STXBP5L: variants seen among roughly 807,000 people sequenced by gnomAD.
STXBP5L encodes syntaxin-binding protein 5-like.
In STXBP5L, 65 loss-of-function variants were observed where a neutral mutation model predicts 144.5. That is an observed-to-expected ratio of 0.45 (90% CI 0.37 to 0.55). The LOEUF (loss-of-function observed/expected upper bound fraction) is 0.55. STXBP5L is among the 20% of genes least tolerant of loss of function. The pLI is 0.00. For synonymous variants in STXBP5L, 505 were observed against 469.6 expected (o/e 1.08, Z -0.97); for missense variants, 1,298 against 1,405.5 (o/e 0.92, Z 1.22).
intron 3 of STXBP5L, among the ~76,000 whole-genome samples, chr3:120,999,770 T>C (rs1192942755): frequency 6.6e-6 from 1 of 152,214 alleles, no homozygotes; most frequent in Non-Finnish European, 1.5e-5. Context: ...CAGGTCTTGA[T>C]GGTAACAAAT....
rs762104853 is a variant in STXBP5L at position 121,259,056 on chromosome 3, C to A, written c.1846C>A (p.Pro616Thr). 2.5e-6 allele frequency: 4 copies of A among 1,600,182 alleles called. No homozygotes were observed. The highest frequency in any genetic ancestry group is 3.4e-6 in the Non-Finnish European group (4 of 1,172,134). The change falls in exon 18 of 27, where the codon CCA becomes ACA. Residue 616 changes from proline to threonine, a missense_variant. By Grantham distance (38) the Pro-to-Thr change is conservative. Coordinates refer to ENST00000471454, the MANE Select transcript of STXBP5L (RefSeq NM_001308330.2). ...SIPCLNVKTR[P>T]VRMPPGYQAE... is the part of the protein sequence containing the mutation. The stretch of plus-strand genomic sequence containing the variant: ...TTGTTCTTAAAGTGTGAAGACACGG[C>A]CAGTGCGAATGCCTCCAGGATATCA...
intron 6 of STXBP5L, among the ~76,000 whole-genome samples, chr3:121,120,120 T>C (rs2044392783): frequency 6.6e-6 from 1 of 151,340 alleles, no homozygotes. Context: ...ATATTTAACT[T>C]TAATTCAGGG....
intron 5 of STXBP5L, among the ~76,000 whole-genome samples, chr3:121,087,531 T>C (rs1468389962): frequency 6.6e-6 from 1 of 152,234 alleles, no homozygotes; most frequent in East Asian, 1.9e-4. Flanking sequence ...TATATCTTTG[T>C]CTATTCTTAT....
intron 4 of STXBP5L, among the ~76,000 whole-genome samples, chr3:121,042,005 A>G (rs1225203316): frequency 6.6e-6 from 1 of 152,152 alleles, no homozygotes; most frequent in African/African-American, 2.4e-5. Flanking sequence ...TTGTTACTAT[A>G]TAGCATAATT....
chr3:120,929,615 G>A (rs1019878987), intron 2 of STXBP5L, among the ~76,000 whole-genome samples: 1 of 151,882 alleles, frequency 6.6e-6, no homozygotes, highest in Non-Finnish European at 1.5e-5. Flanking sequence ...TAAACCTTCA[G>A]CATATTTAAT....
At position 121,381,548 on chromosome 3, in the gene STXBP5L, C is replaced by T. The variant is rs199793824; in HGVS notation, c.2587+16C>T. On this transcript the variant is annotated intron_variant, in intron 22 of 26. Coordinates refer to ENST00000471454, the MANE Select transcript of STXBP5L (RefSeq NM_001308330.2). ...TTGCCAAGTGGTAAGAGTTTGTATT[C>T]ATTCATTCCTTCACTGTTACTTTTT... 401 of 1,580,388 alleles carry T rather than the reference C, an allele frequency of 2.5e-4. 1 individual carries two copies. The highest frequency in any genetic ancestry group is 2.2e-3 in the Middle Eastern group (13 of 5,966).
At chr3:120,913,533 A>T (rs1022046883) in intron 2 of STXBP5L, among the ~76,000 whole-genome samples, 6 of 152,204 alleles carry the variant, frequency 3.9e-5, no homozygotes, top group Admixed American at 1.3e-4. Context: ...TATATGCCTT[A>T]AACATTTTAT....
rs962663350 is a variant in STXBP5L at position 120,969,875 on chromosome 3, T to C, written c.287+14838T>C. Among the ~76,000 whole-genome samples the C allele has an allele frequency of 2.8e-4, 43 of 152,124 alleles. 2 individuals carry two copies. The highest frequency in any genetic ancestry group is 5.9e-5 in the Non-Finnish European group (4 of 67,982). On this transcript the variant is annotated intron_variant, in intron 3 of 26. Transcript: ENST00000471454. ...TGTAGATACTTTCTTTCTGTTTTCC[T>C]CTGTTACTGTTTTCCTTTGTGGTTA...
At chr3:121,211,566 C>T (rs1312178033) in intron 10 of STXBP5L, among the ~76,000 whole-genome samples, 2 of 135,710 alleles carry the variant, frequency 1.5e-5, no homozygotes, top group East Asian at 2.3e-4. Flanking sequence ...TATTTCCTGA[C>T]TTTTTTTCTT....
intron 2 of STXBP5L, among the ~76,000 whole-genome samples, chr3:120,915,000 C>T (rs73185417): frequency 0.04 from 6,040 of 152,040 alleles, 169 homozygotes; most frequent in Middle Eastern, 0.082. Context: ...TGTAGAAGTA[C>T]GTTTGTAAAA....
chr3:121,090,047 A>G (rs1408399987), intron 5 of STXBP5L, among the ~76,000 whole-genome samples: 2 of 152,212 alleles, frequency 1.3e-5, no homozygotes, highest in African/African-American at 4.8e-5. Flanking sequence ...TCTAATATCT[A>G]TGTCATCTTG....
At chr3:121,336,804 G>A (rs987519433) in intron 20 of STXBP5L, among the ~76,000 whole-genome samples, 21 of 152,118 alleles carry the variant, frequency 1.4e-4, no homozygotes, top group Non-Finnish European at 3.1e-4. Context: ...ACATGCACGT[G>A]TGTATTCATT....
chr3:120,928,461 C>G (rs1030338612), intron 2 of STXBP5L, among the ~76,000 whole-genome samples: 2 of 152,124 alleles, frequency 1.3e-5, no homozygotes, highest in Non-Finnish European at 2.9e-5. Context: ...CAAAGTTTCA[C>G]TATGTTGGCC....
chr3:120,966,553 C>G (rs1271263119), intron 3 of STXBP5L, among the ~76,000 whole-genome samples: 2 of 152,158 alleles, frequency 1.3e-5, no homozygotes, highest in Admixed American at 6.5e-5. Flanking sequence ...AACTGCAGGT[C>G]TTTTGGAGTT....
intron 2 of STXBP5L, among the ~76,000 whole-genome samples, chr3:120,931,277 G>A (rs1709922896): frequency 6.6e-6 from 1 of 152,164 alleles, no homozygotes; most frequent in Non-Finnish European, 1.5e-5. Context: ...GGTAGGAAGA[G>A]TGGCATGAGG....
intron 3 of STXBP5L, among the ~76,000 whole-genome samples, chr3:120,994,752 A>G (rs532708164): frequency 8.6e-5 from 13 of 151,416 alleles, no homozygotes; most frequent in African/African-American, 2.9e-4. Context: ...TTTTTGTTGC[A>G]TGGTTTTCTG....
chr3:121,346,597 A>C (rs1156779157), intron 20 of STXBP5L, among the ~76,000 whole-genome samples: 1 of 152,116 alleles, frequency 6.6e-6, no homozygotes, highest in Non-Finnish European at 1.5e-5. Context: ...ACTTCTCCAC[A>C]TCCTCTCCAG....
At chr3:121,108,763 G>A (rs1166122907) in intron 5 of STXBP5L, among the ~76,000 whole-genome samples, 3 of 152,070 alleles carry the variant, frequency 2.0e-5, no homozygotes, top group East Asian at 3.9e-4. Flanking sequence ...CTTTTAATTT[G>A]TTTGAAGTAG....
chr3:121,026,231 G>A (rs1945934193), intron 3 of STXBP5L, among the ~76,000 whole-genome samples: 1 of 151,538 alleles, frequency 6.6e-6, no homozygotes, highest in South Asian at 2.1e-4. Flanking sequence ...ACCTTTTACA[G>A]TTCTTTTAAT....
Sources: allele counts gnomAD v4.1 joint callset (sites outside exome capture counted in the v4.1 genomes callset), GRCh38; gene constraint gnomAD v4.1.1; transcripts MANE v1.5; gene names NCBI Gene and HGNC (gene_info 2026-07-23, HGNC 2026-07-21).